The following UTRN variants were observed in gnomAD, a reference collection of about 807,000 sequenced individuals.
UTRN encodes dystrophin-related protein 1.
Under a neutral mutation model 463.9 loss-of-function variants are expected in UTRN, and 283 were observed. That is an observed-to-expected ratio of 0.61 (90% confidence interval 0.55 to 0.67). The LOEUF (loss-of-function observed/expected upper bound fraction) is 0.67. UTRN is among the 30% of genes least tolerant of loss of function. The pLI is 0.00. For missense variants in UTRN, 3,922 were observed against 4,084.3 expected (o/e 0.96, Z 1.08); for synonymous variants, 1,442 against 1,431.5 (o/e 1.01, Z -0.17).
intron 2 of UTRN, among the ~76,000 whole-genome samples, chr6:144,343,916 G>C (rs113322369): frequency 1.3e-5 from 2 of 152,060 alleles, no homozygotes; most frequent in African/African-American, 4.8e-5. Flanking sequence ...AGGAAGCAAA[G>C]TTATAATCTC....
At chr6:144,837,745 G>A (rs562776272) in intron 71 of UTRN, among the ~76,000 whole-genome samples, 1 of 152,188 alleles carries the variant, frequency 6.6e-6, no homozygotes, top group African/African-American at 2.4e-5. Flanking sequence ...TGTCATTTCT[G>A]CCTTACCTAC....
intron 2 of UTRN, among the ~76,000 whole-genome samples, chr6:144,349,465 G>T (rs927208938): frequency 6.6e-6 from 1 of 152,136 alleles, no homozygotes; most frequent in Non-Finnish European, 1.5e-5. Context: ...GGGAGAGTGT[G>T]GTCAGGATTC....
chr6:144,541,543 C>G (rs893049733), intron 45 of UTRN, among the ~76,000 whole-genome samples: 1 of 152,332 alleles, frequency 6.6e-6, no homozygotes, highest in African/African-American at 2.4e-5. Context: ...AAAATCTCAA[C>G]AAACATAATT....
At chr6:144,353,744 G>A (rs1336227982) in intron 2 of UTRN, among the ~76,000 whole-genome samples, 1 of 152,176 alleles carries the variant, frequency 6.6e-6, no homozygotes, top group African/African-American at 2.4e-5. Flanking sequence ...CTACTTGGGA[G>A]GCTGAGGGAC....
chr6:144,441,164 T>G (rs771580010), intron 13 of UTRN, among the ~76,000 whole-genome samples: 11 of 152,180 alleles, frequency 7.2e-5, no homozygotes, highest in Non-Finnish European at 1.5e-4. Flanking sequence ...CAATCATGCT[T>G]TCCCAACAGT....
At chr6:144,616,641 C>T (rs1562654714) in intron 51 of UTRN, among the ~76,000 whole-genome samples, 1 of 151,494 alleles carries the variant, frequency 6.6e-6, no homozygotes, top group African/African-American at 2.4e-5. Context: ...TAGCCTTTTA[C>T]TTTGATTTTT....
rs551203462 is a variant in UTRN, at chr6:144,361,445, G to A, written c.80-41678G>A. ...TTGTGAGCTTAATCCAGAGGGCTATGTTTGAGTTAAAACCATCCAGGAGTC... is the reference window on the plus strand; with the variant it reads ...TTGTGAGCTTAATCCAGAGGGCTATATTTGAGTTAAAACCATCCAGGAGTC... On this transcript the variant is annotated intron_variant, in intron 2 of 74. Transcript: ENST00000367545. Among the ~76,000 whole-genome samples, 9 of 152,196 alleles carry A rather than the reference G, an allele frequency of 5.9e-5. No individual in the cohort carries two copies. In the South Asian group the frequency reaches 8.3e-4, roughly 14 times the overall value.
intron 2 of UTRN, among the ~76,000 whole-genome samples, chr6:144,292,942 G>A (rs1210106695): frequency 3.3e-5 from 5 of 152,246 alleles, no homozygotes; most frequent in East Asian, 1.9e-4. Context: ...CCATGATACC[G>A]GTGTTGGTTG....
intron 66 of UTRN, among the ~76,000 whole-genome samples, chr6:144,821,513 AT>A (rs532987592): frequency 6.6e-6 from 1 of 151,952 alleles, no homozygotes; most frequent in Non-Finnish European, 1.5e-5. Flanking sequence ...ATTCTAATCT[AT>A]TTTTTATTGA....
chr6:144,803,565 C>A (rs1280108002), intron 65 of UTRN, among the ~76,000 whole-genome samples: 1 of 151,932 alleles, frequency 6.6e-6, no homozygotes, highest in Admixed American at 6.6e-5. Context: ...TTTTCCATAT[C>A]TCTGGTTTTA....
chr6:144,391,665 A>G (rs1781938507), intron 2 of UTRN, among the ~76,000 whole-genome samples: 1 of 152,172 alleles, frequency 6.6e-6, no homozygotes, highest in African/African-American at 2.4e-5. Flanking sequence ...TTTTTGAGAC[A>G]GAGTCTCTCT....
intron 2 of UTRN, among the ~76,000 whole-genome samples, chr6:144,322,604 GA>G (rs1775728971): frequency 6.6e-6 from 1 of 152,154 alleles, no homozygotes; most frequent in African/African-American, 2.4e-5. Flanking sequence ...CTCATTAAAT[GA>G]AACTAACATC....
At chr6:144,715,554 A>G (rs1026696956) in intron 53 of UTRN, among the ~76,000 whole-genome samples, 2 of 152,076 alleles carry the variant, frequency 1.3e-5, no homozygotes, top group Middle Eastern at 3.2e-3. Context: ...GGTTTCGGCC[A>G]CACTGGTCCC....
intron 2 of UTRN, among the ~76,000 whole-genome samples, chr6:144,315,419 CTTGATGTGCA>C (rs1185247277): frequency 3.3e-5 from 5 of 152,008 alleles, no homozygotes; most frequent in Admixed American, 3.3e-4. Context: ...GGTTCGGGTG[CTTGATGTGCA>C]TTGAAGGGGT....
At chr6:144,373,928 G>A (rs750624951) in intron 2 of UTRN, among the ~76,000 whole-genome samples, 2 of 152,160 alleles carry the variant, frequency 1.3e-5, no homozygotes, top group Admixed American at 6.5e-5. Flanking sequence ...GTCTGCATTT[G>A]TGAACAGGTC....
chr6:144,443,616 AAAT>A (rs1182412010), intron 13 of UTRN, among the ~76,000 whole-genome samples: 10 of 150,940 alleles, frequency 6.6e-5, no homozygotes, highest in Non-Finnish European at 8.8e-5. Flanking sequence ...TTTTGGGAGA[AAAT>A]AATCATGAAG....
At chr6:144,695,342 T>G (rs1005737925) in intron 52 of UTRN, among the ~76,000 whole-genome samples, 1 of 151,942 alleles carries the variant, frequency 6.6e-6, no homozygotes, top group Admixed American at 6.6e-5. Context: ...TAGCCATGAT[T>G]AAACTTTTTT....
At chr6:144,630,743 G>T (rs1400017114) in intron 51 of UTRN, among the ~76,000 whole-genome samples, 1 of 152,098 alleles carries the variant, frequency 6.6e-6, no homozygotes, top group African/African-American at 2.4e-5. Flanking sequence ...AAGTTACTCT[G>T]CATACCATTA....
chr6:144,743,458 T>C (rs1790332865), intron 54 of UTRN, among the ~76,000 whole-genome samples: 1 of 152,236 alleles, frequency 6.6e-6, no homozygotes, highest in Non-Finnish European at 1.5e-5. Flanking sequence ...TCAAGATTTC[T>C]TTGAGATATA....
Sources: gnomAD v4.1 joint callset for allele counts (sites outside exome capture counted in the v4.1 genomes callset) on GRCh38, gnomAD v4.1.1 for gene constraint, MANE v1.5 for transcripts, NCBI Gene and HGNC (gene_info 2026-07-23, HGNC 2026-07-21) for gene names.